Variants in LDLRAD4 observed in about 807,000 individuals in gnomAD.
LDLRAD4 encodes low density lipoprotein receptor class A domain containing 4, also known as low-density lipoprotein receptor class A domain-containing protein 4.
A neutral mutation model predicts 17.0 loss-of-function variants in LDLRAD4; 5 were observed. The ratio of observed to expected loss-of-function variants is 0.29; its 90% CI spans 0.15 to 0.62. The LOEUF (loss-of-function observed/expected upper bound fraction) is 0.62, where lower values mean the gene tolerates loss of function less well. Ranked by LOEUF, LDLRAD4 falls within the 20% of genes least tolerant of loss-of-function variation. The pLI is 0.84. For synonymous variants in LDLRAD4, 168 were observed against 171.8 expected (o/e 0.98, Z 0.17); for missense variants, 340 against 424.7 (o/e 0.80, Z 1.75).
intron 3 of LDLRAD4, among the ~76,000 whole-genome samples, chr18:13,476,404 C>A (rs938909775): frequency 2.0e-5 from 3 of 152,032 alleles, no homozygotes; most frequent in Admixed American, 2.0e-4. Context: ...GCAGGAGGAT[C>A]GCTTGAGTCC....
intron 1 of LDLRAD4, among the ~76,000 whole-genome samples, chr18:13,327,956 A>G (rs1446504133): frequency 1.3e-5 from 2 of 152,272 alleles, no homozygotes; most frequent in African/African-American, 2.4e-5. Context: ...GGGGCACCCA[A>G]AGAAACCTTA....
chr18:13,565,099 A>G (rs1785143), intron 3 of LDLRAD4: 147,793 of 152,364 alleles, frequency 0.97, 71,834 homozygotes, highest in East Asian at 1. Flanking sequence ...TGAACCCAAA[A>G]CAGCAATGTA....
In LDLRAD4 at chr18:13,621,972, T is replaced by C. The variant is rs58353575; in HGVS notation, c.336+701T>C. 0.44 allele frequency among the ~76,000 whole-genome samples: 67,624 copies of C among 151,980 alleles called. 17,649 individuals are homozygous for C. Among genetic ancestry groups the C allele is most frequent in the Non-Finnish European group, 0.58 (39,294 of 67,926 alleles). On this transcript the variant is annotated intron_variant, in intron 4 of 5. Coordinates refer to ENST00000359446, the Ensembl canonical transcript of LDLRAD4. The surrounding 1 kb of genome is among the most constrained non-coding windows in gnomAD (Gnocchi z 5.5). Reference sequence around the variant, plus strand: ...CCCAAGCCTGTTTTACAGGCTGTGGTTTTGATGGCTTCCAGCCAGAGGGTT... The same window carrying C: ...CCCAAGCCTGTTTTACAGGCTGTGGCTTTGATGGCTTCCAGCCAGAGGGTT...
At position 13,294,000 on chromosome 18, in the gene LDLRAD4, T is replaced by C. The variant is rs151182912; in HGVS notation, c.-383+15812T>C. On this transcript the variant is annotated intron_variant, in intron 1 of 5. Transcript: ENST00000359446. Reference sequence around the variant, plus strand: ...CACTCAGTTGTTTCTGAAGTTGGAATGGCAGATTTGTCTCAGTGGTTCTCC... The same window carrying C: ...CACTCAGTTGTTTCTGAAGTTGGAACGGCAGATTTGTCTCAGTGGTTCTCC... Among the ~76,000 whole-genome samples, 1,287 of 152,308 alleles carry C rather than the reference T, an allele frequency of 8.4e-3. 17 individuals carry two copies. The highest frequency in any genetic ancestry group is 0.029 in the African/African-American group (1,201 of 41,556).
chr18:13,294,428 G>A (rs572686136), intron 1 of LDLRAD4, among the ~76,000 whole-genome samples: 1 of 152,360 alleles, frequency 6.6e-6, no homozygotes, highest in African/African-American at 2.4e-5. Flanking sequence ...GTCATCAAAA[G>A]GATGAGGTCT....
intron 2 of LDLRAD4, among the ~76,000 whole-genome samples, chr18:13,430,193 G>GA (rs2090233364): frequency 6.6e-6 from 1 of 152,166 alleles, no homozygotes; most frequent in Non-Finnish European, 1.5e-5. Flanking sequence ...GTCAACACCT[G>GA]TGCATCTGCC....
At chr18:13,349,702 G>A (rs2082928702) in intron 1 of LDLRAD4, among the ~76,000 whole-genome samples, 1 of 152,124 alleles carries the variant, frequency 6.6e-6, no homozygotes, top group African/African-American at 2.4e-5. Context: ...TGCCATAGCG[G>A]TTTGCTGCAC....
In LDLRAD4 at chr18:13,401,003, C is replaced by T. The variant is rs564249588; in HGVS notation, c.40+13241C>T. 1.5e-4 allele frequency among the ~76,000 whole-genome samples: 23 copies of T among 152,078 alleles called. No homozygotes were observed. The East Asian group carries it at 1.9e-3, about 13-fold the overall frequency. On this transcript the variant is annotated intron_variant, in intron 2 of 5. Transcript: ENST00000359446. ...GCCATTTCAGACAGCATTCAGGTCC[C>T]GTAGAAAATCAAGTATGGGAAGGAG... is the stretch of plus-strand genomic sequence containing the variant.
At chr18:13,306,649 A>G (rs1349007034) in intron 1 of LDLRAD4, among the ~76,000 whole-genome samples, 1 of 152,234 alleles carries the variant, frequency 6.6e-6, no homozygotes, top group Non-Finnish European at 1.5e-5. Context: ...AAAGGATTTC[A>G]CCATTGAAGG....
At chr18:13,400,785 C>T (rs751738401) in intron 2 of LDLRAD4, among the ~76,000 whole-genome samples, 2 of 152,128 alleles carry the variant, frequency 1.3e-5, no homozygotes, top group African/African-American at 4.8e-5. Context: ...GGTTCACTTA[C>T]GGGCCATGAG....
At chr18:13,413,515 G>C (rs1049742608) in intron 2 of LDLRAD4, among the ~76,000 whole-genome samples, 3 of 152,310 alleles carry the variant, frequency 2.0e-5, no homozygotes, top group East Asian at 1.9e-4. Context: ...TCTCTGACCA[G>C]GCACTTGCAG....
At chr18:13,433,092 T>C (rs1332242198) in intron 2 of LDLRAD4, among the ~76,000 whole-genome samples, 1 of 149,966 alleles carries the variant, frequency 6.7e-6, no homozygotes, top group African/African-American at 2.5e-5. Flanking sequence ...TAATAAAACA[T>C]TGTTGTCACC....
intron 2 of LDLRAD4, among the ~76,000 whole-genome samples, chr18:13,397,994 A>C (rs1242614785): frequency 6.6e-6 from 1 of 152,174 alleles, no homozygotes; most frequent in East Asian, 1.9e-4. Flanking sequence ...AGACAGCCCC[A>C]GGAGGTGTGG....
At chr18:13,217,686 G>A (rs1434223608), upstream of LDLRAD4, 1 of 150,842 alleles carries the variant, frequency 6.6e-6, no homozygotes, top group Non-Finnish European at 1.5e-5. The surrounding 1 kb of genome is among the most constrained non-coding windows in gnomAD (Gnocchi z 4.9). Flanking sequence ...TCCGGCGACT[G>A]GAGGCGGGAC....
chr18:13,409,564 A>C (rs1467440775), intron 2 of LDLRAD4, among the ~76,000 whole-genome samples: 1 of 152,256 alleles, frequency 6.6e-6, no homozygotes, highest in Non-Finnish European at 1.5e-5. Context: ...TTCAACCTGT[A>C]TCTTATTTAG....
chr18:13,388,594 C>T (rs1455438492), intron 2 of LDLRAD4, among the ~76,000 whole-genome samples: 1 of 152,242 alleles, frequency 6.6e-6, no homozygotes, highest in Non-Finnish European at 1.5e-5. Context: ...CAGAAGTTTG[C>T]AGCTTTTCAG....
chr18:13,451,345 G>C (rs1445146802), intron 3 of LDLRAD4, among the ~76,000 whole-genome samples: 1 of 152,086 alleles, frequency 6.6e-6, no homozygotes, highest in African/African-American at 2.4e-5. Context: ...TTGAGGTAGT[G>C]AGTGAGTTCT....
intron 3 of LDLRAD4, among the ~76,000 whole-genome samples, chr18:13,466,068 A>G (rs1322881197): frequency 6.6e-6 from 1 of 152,238 alleles, no homozygotes; most frequent in Non-Finnish European, 1.5e-5. Context: ...TATATCTTGA[A>G]TGAAATAATG....
chr18:13,374,225 C>G (rs2084727437), intron 1 of LDLRAD4, among the ~76,000 whole-genome samples: 1 of 152,132 alleles, frequency 6.6e-6, no homozygotes, highest in East Asian at 1.9e-4. Context: ...GCCCTCCCAG[C>G]CCTGACCCCA....
Sources: gnomAD v4.1 joint callset for allele counts (sites outside exome capture counted in the v4.1 genomes callset) on GRCh38, gnomAD v4.1.1 for gene constraint, Gnocchi (gnomAD v3.1) non-coding constraint, MANE v1.5 for transcripts, NCBI Gene and HGNC (gene_info 2026-07-23, HGNC 2026-07-21) for gene names.